The following SMARCAD1 variants were observed in gnomAD, a reference collection of about 807,000 sequenced individuals.
SMARCAD1 encodes SNF2 related chromatin remodeling ATPase with DExD box 1.
SMARCAD1 carries 25 observed loss-of-function variants against 127.1 expected under a neutral mutation model. That is an observed-to-expected ratio of 0.20 (90% CI 0.14 to 0.27). The LOEUF (loss-of-function observed/expected upper bound fraction) is 0.27. Among genes scored for constraint, SMARCAD1 ranks in the 10% least tolerant of loss-of-function variants. The probability of loss-of-function intolerance (pLI) is 1.00; values close to 1 mark genes in which losing one functional copy is unlikely to be tolerated. For synonymous variants in SMARCAD1, 400 were observed against 396.9 expected (o/e 1.01, Z -0.09); for missense variants, 807 against 1,206.0 (o/e 0.67, Z 4.90).
At chr4:94,267,632 C>G (rs1324400150) in intron 10 of SMARCAD1, among the ~76,000 whole-genome samples, 1 of 151,678 alleles carries the variant, frequency 6.6e-6, no homozygotes, top group East Asian at 1.9e-4. Context: ...TTTTTTTCCC[C>G]TAACAAAACA....
At chr4:94,284,335 A>G in intron 22 of SMARCAD1, among the ~76,000 whole-genome samples, 1 of 98,718 alleles carries the variant, frequency 1.0e-5, no homozygotes, top group East Asian at 3.7e-4. Context: ...TCAAAAAAAA[A>G]AAAAAAAAAA....
In SMARCAD1 at chr4:94,232,020, C is replaced by G. The variant is rs989703855; in HGVS notation, c.369-1934C>G. Among the ~76,000 whole-genome samples the G allele has an allele frequency of 2.6e-5, 4 of 151,990 alleles. No individual in the cohort carries two copies. In the East Asian group the frequency reaches 7.7e-4, roughly 29 times the overall value. ...GGGATTACAGGCACCCGCCACCATG[C>G]CAAGCTAATTGTTTTAATTTTTAGT... On this transcript the variant is annotated intron_variant, in intron 3 of 23. Transcript: ENST00000354268.
chr4:94,237,995 A>C (rs986183872), intron 5 of SMARCAD1, among the ~76,000 whole-genome samples: 5 of 152,050 alleles, frequency 3.3e-5, no homozygotes, highest in Admixed American at 6.6e-5. Context: ...TATGTTTCTG[A>C]ATGCTCATTT....
chr4:94,219,967 C>G (rs1469812845), intron 2 of SMARCAD1, among the ~76,000 whole-genome samples: 1 of 152,200 alleles, frequency 6.6e-6, no homozygotes, highest in Non-Finnish European at 1.5e-5. Context: ...TTCTTTATAA[C>G]TGTTTCTGCT....
chr4:94,278,168 T>A (rs1753562861), intron 16 of SMARCAD1, among the ~76,000 whole-genome samples: 1 of 152,184 alleles, frequency 6.6e-6, no homozygotes, highest in Admixed American at 6.5e-5. Flanking sequence ...TGAACACCCA[T>A]CTGGTACAGT....
chr4:94,237,053 A>ATT (rs747588872), intron 5 of SMARCAD1, 35 bp downstream of exon 5: 1 of 1,534,792 alleles, frequency 6.5e-7, no homozygotes, highest in Non-Finnish European at 9.0e-7. Flanking sequence ...ATGTCGATTT[A>ATT]TTGTTACGTC....
chr4:94,213,006 CTTTT>C (rs1337370379), intron 2 of SMARCAD1: 1 of 1,131,964 alleles, frequency 8.8e-7, no homozygotes, highest in Non-Finnish European at 1.2e-6. Context: ...ATTATTTCTC[CTTTT>C]TTTCTTTGAC....
rs1378204418 is a variant in SMARCAD1 at position 94,277,137 on chromosome 4, G to A, written c.2060G>A (p.Arg687Gln). The change falls in exon 16 of 24, where the codon CGA becomes CAA. Residue 687 changes from arginine to glutamine, a missense_variant. Transcript: ENST00000354268. ...TTTAGTAGTAGCACCAGTGAAATAC[G>A]AAGAATGTTTTCCTCTAAGACAGTA... ...HMFSSSTSEIRRMFSSKTKSA... is the reference protein window; with the variant it reads ...HMFSSSTSEIQRMFSSKTKSA... 2 of 1,613,866 alleles carry A rather than the reference G, an allele frequency of 1.2e-6. No homozygotes were observed. Among genetic ancestry groups the A allele is most frequent in the Non-Finnish European group, 1.7e-6 (2 of 1,179,918 alleles).
chr4:94,265,249 TA>T (rs36044219), intron 10 of SMARCAD1, among the ~76,000 whole-genome samples: 1 of 151,930 alleles, frequency 6.6e-6, no homozygotes, highest in Non-Finnish European at 1.5e-5. Flanking sequence ...TTTGATATCC[TA>T]AAAAAAGTCA....
intron 10 of SMARCAD1, among the ~76,000 whole-genome samples, chr4:94,270,368 T>A (rs1752380802): frequency 6.6e-6 from 1 of 152,104 alleles, no homozygotes; most frequent in African/African-American, 2.4e-5. Flanking sequence ...TTCTTTAATG[T>A]GCTAAAAATC....
chr4:94,249,675 G>T lies in SMARCAD1; in HGVS notation c.727G>T (p.Ala243Ser). 2 of 1,602,260 alleles carry T rather than the reference G, an allele frequency of 1.2e-6. No individual in the cohort carries two copies. Among genetic ancestry groups the T allele is most frequent in the Non-Finnish European group, 1.7e-6 (2 of 1,169,826 alleles). Residue 243 changes from alanine to serine, a missense_variant, in exon 7 of 24, where the codon GCA becomes TCA. By Grantham distance (99) the Ala-to-Ser change is moderately conservative. This residue lies in a region of SMARCAD1 where 257 missense variants were observed against 303.4 expected (regional missense o/e 0.85). Transcript: ENST00000354268. ...TTAGGGAGAGGAATCAAATGAGTCTGCAGAATCTAGCAGTAATTGGGAAAA... is the reference window on the plus strand; with the variant it reads ...TTAGGGAGAGGAATCAAATGAGTCTTCAGAATCTAGCAGTAATTGGGAAAA... ...LDHGEESNES[A>S]ESSSNWEKQE...
rs971257566 is a variant in SMARCAD1, at chr4:94,239,780, C to A, written c.605-1126C>A. 5.3e-5 allele frequency among the ~76,000 whole-genome samples: 8 copies of A among 151,944 alleles called. No homozygotes were observed. In the East Asian group the frequency reaches 1.5e-3, roughly 29 times the overall value. On this transcript the variant is annotated intron_variant, in intron 5 of 23. Transcript: ENST00000354268. ...TAGAGATGGGGTTTCACCATATTGC[C>A]AAGGCTGATCTCGAACTCCTGAGCC...
chr4:94,220,450 A>G (rs1330448903), intron 2 of SMARCAD1, among the ~76,000 whole-genome samples: 1 of 151,970 alleles, frequency 6.6e-6, no homozygotes, highest in Non-Finnish European at 1.5e-5. Flanking sequence ...GTTTCACCAC[A>G]TTAGCCAGAT....
chr4:94,280,893 C>A, intron 20 of SMARCAD1, 113 bp downstream of exon 20: 1 of 1,001,956 alleles, frequency 1.0e-6, no homozygotes. Context: ...TGCATTCTTC[C>A]AGAACTTAGT....
At chr4:94,227,736 G>C (rs1410084871) in intron 3 of SMARCAD1, among the ~76,000 whole-genome samples, 2 of 152,202 alleles carry the variant, frequency 1.3e-5, no homozygotes, top group African/African-American at 4.8e-5. Flanking sequence ...AACACTCCTA[G>C]ACGTCTAAAT....
At chr4:94,219,046 A>T (rs1743667084) in intron 2 of SMARCAD1, among the ~76,000 whole-genome samples, 1 of 152,168 alleles carries the variant, frequency 6.6e-6, no homozygotes. Flanking sequence ...TCCTGACCTC[A>T]AGTGATCTGC....
chr4:94,258,331 T>A (rs1308354472), intron 9 of SMARCAD1, among the ~76,000 whole-genome samples: 1 of 152,052 alleles, frequency 6.6e-6, no homozygotes, highest in African/African-American at 2.4e-5. Context: ...ATTTTTGTAT[T>A]TTTAGCAGAG....
At chr4:94,260,885 TAATA>T (rs1337220791) in intron 9 of SMARCAD1, among the ~76,000 whole-genome samples, 3 of 152,176 alleles carry the variant, frequency 2.0e-5, no homozygotes, top group Admixed American at 6.6e-5. Context: ...AAAATTTTTT[TAATA>T]AATAAAAAGA....
chr4:94,266,692 A>G (rs1329571796), intron 10 of SMARCAD1, among the ~76,000 whole-genome samples: 1 of 152,068 alleles, frequency 6.6e-6, no homozygotes, highest in East Asian at 1.9e-4. Context: ...GCACAGAGGA[A>G]AATATTAGAC....
Sources: allele counts gnomAD v4.1 joint callset (sites outside exome capture counted in the v4.1 genomes callset), GRCh38; gene constraint gnomAD v4.1.1; regional missense constraint gnomAD v4.1.1; transcripts MANE v1.5; gene names NCBI Gene and HGNC (gene_info 2026-07-23, HGNC 2026-07-21).